RAD23B: variants seen among roughly 807,000 people sequenced by gnomAD.
RAD23B encodes the protein lysine-specific demethylase RAD23B.
Under a neutral mutation model 49.1 loss-of-function variants are expected in RAD23B, and 5 were observed. The ratio of observed to expected loss-of-function variants is 0.10; its 90% CI spans 0.05 to 0.21. The LOEUF is 0.21. Ranked by LOEUF, RAD23B falls within the 10% of genes least tolerant of loss-of-function variation. The probability of loss-of-function intolerance (pLI) is 1.00; values close to 1 mark genes in which losing one functional copy is unlikely to be tolerated. For missense variants in RAD23B, 356 were observed against 486.7 expected, an observed-to-expected ratio of 0.73 and a Z score of 2.53; for synonymous variants, 184 against 165.4, an observed-to-expected ratio of 1.11 and a Z score of -0.86.
intron 1 of RAD23B, among the ~76,000 whole-genome samples, chr9:107,298,833 T>A (rs763920908): frequency 6.6e-6 from 1 of 151,816 alleles, no homozygotes; most frequent in Non-Finnish European, 1.5e-5. Flanking sequence ...GCAAATCTGA[T>A]GTTTGGCTTT....
intron 4 of RAD23B, among the ~76,000 whole-genome samples, chr9:107,307,983 T>C (rs1826812848): frequency 6.6e-6 from 1 of 152,174 alleles, no homozygotes; most frequent in South Asian, 2.1e-4. Flanking sequence ...ATCAAAGGGC[T>C]GTTGATCAGG....
Position 107,318,580 on chromosome 9 carries a change from C to T in RAD23B, c.554-172C>T, listed in dbSNP as rs1323043020. On this transcript the variant is annotated intron_variant, in intron 5 of 9. Coordinates refer to ENST00000358015, the MANE Select transcript of RAD23B (RefSeq NM_002874.5). The surrounding 1 kb of genome is among the most constrained non-coding windows in gnomAD (Gnocchi z 4.3). Reference sequence around the variant, plus strand: ...AGGTTCCAGGGATCAAACCAGAGGGCATCTTTGGGGGACCATTACCTACTA... The same window carrying T: ...AGGTTCCAGGGATCAAACCAGAGGGTATCTTTGGGGGACCATTACCTACTA... Among the ~76,000 whole-genome samples, 5 of 152,172 alleles carry T rather than the reference C, an allele frequency of 3.3e-5. No individual in the cohort carries two copies. Among genetic ancestry groups the T allele is most frequent in the Non-Finnish European group, 5.9e-5 (4 of 68,030 alleles).
intron 9 of RAD23B, among the ~76,000 whole-genome samples, chr9:107,328,663 G>A (rs773111619): frequency 5.3e-5 from 8 of 152,126 alleles, no homozygotes; most frequent in South Asian, 2.1e-4. Flanking sequence ...ACCTCCTCCC[G>A]TGCGGCCCAG....
Position 107,331,785 on chromosome 9 carries a change from T to C in RAD23B, c.*2129T>C. ...CAAATCTGGATATACTAGGATTAAT[T>C]ATCAGAAGACAGCTCAGGCCAAGTT... On this transcript the variant is annotated 3_prime_UTR_variant, in exon 10 of 10. Coordinates refer to ENST00000358015, the MANE Select transcript of RAD23B (RefSeq NM_002874.5). 1.3e-6 allele frequency: 1 copy of C among 769,074 alleles called. No individual in the cohort carries two copies. Among genetic ancestry groups the C allele is most frequent in the Non-Finnish European group, 2.4e-6 (1 of 414,818 alleles). 47.6% of individuals were successfully genotyped at this position (769,074 alleles called of 1,614,324 possible). A position where few individuals can be genotyped will look rare whatever the true frequency, so the allele number is the denominator to read the frequency against.
At chr9:107,328,940 A>T (rs2133102503) in intron 9 of RAD23B, among the ~76,000 whole-genome samples, 1 of 152,352 alleles carries the variant, frequency 6.6e-6, no homozygotes, top group South Asian at 2.1e-4. Flanking sequence ...TGTTAAGCAG[A>T]TAAAAATAGA....
In RAD23B at chr9:107,330,523, A is replaced by G. The variant is rs1195331991; in HGVS notation, c.*867A>G. Reference sequence around the variant, plus strand: ...GGGCCAATGGAGAAATGCAGCATTCACTCTCCCTGTCTTTTCCCCTTCCCT... The same window carrying G: ...GGGCCAATGGAGAAATGCAGCATTCGCTCTCCCTGTCTTTTCCCCTTCCCT... On this transcript the variant is annotated 3_prime_UTR_variant, in exon 10 of 10. Transcript: ENST00000358015. The surrounding 1 kb of genome is among the most constrained non-coding windows in gnomAD (Gnocchi z 4.4). The G allele has an allele frequency of 6.6e-6, 1 of 152,378 alleles. No individual in the cohort carries two copies. Among genetic ancestry groups the G allele is most frequent in the East Asian group, 1.9e-4 (1 of 5,184 alleles). The allele number at this position is 152,378 out of a possible 1,614,324, so 9.4% of individuals were successfully genotyped here. A position where few individuals can be genotyped will look rare whatever the true frequency, so the allele number is the denominator to read the frequency against.
chr9:107,306,286 A>G, intron 3 of RAD23B, 93 bp from the exon 4 acceptor site: 3 of 1,224,194 alleles, frequency 2.5e-6, no homozygotes, highest in Non-Finnish European at 3.4e-6. Flanking sequence ...TATTAGTGCT[A>G]TGTTTGTGGC....
intron 9 of RAD23B, among the ~76,000 whole-genome samples, chr9:107,326,947 T>C (rs998732552): frequency 6.6e-6 from 1 of 152,172 alleles, no homozygotes; most frequent in Non-Finnish European, 1.5e-5. Context: ...CCAACTTTTC[T>C]ATTTCTTTTA....
Position 107,302,036 on chromosome 9 carries a change from C to T in RAD23B, c.150C>T (p.Gly50=), listed in dbSNP as rs1279482008. ...TTTTTTTTTCTCTTAATGTATTAGG[C>T]AAAATCCTCAATGATGATACTGCTC... ...PVAGQKLIYA[G]KILNDDTALK... Residue 50 remains glycine (G), a splice_region_variant and synonymous_variant, in exon 3 of 10, where the codon GGC becomes GGT. Transcript: ENST00000358015. 3.1e-6 allele frequency: 5 copies of T among 1,611,058 alleles called. No individual in the cohort carries two copies. Among genetic ancestry groups the T allele is most frequent in the Non-Finnish European group, 4.2e-6 (5 of 1,179,102 alleles).
chr9:107,283,810 G>T, intron 1 of RAD23B, 115 bp downstream of exon 1: 1 of 1,029,176 alleles, frequency 9.7e-7, no homozygotes, highest in Non-Finnish European at 1.3e-6. Context: ...GCGCGATGAG[G>T]GCCCTGGGTC....
At chr9:107,289,325 C>T (rs866329389) in intron 1 of RAD23B, among the ~76,000 whole-genome samples, 1 of 152,010 alleles carries the variant, frequency 6.6e-6, no homozygotes, top group Non-Finnish European at 1.5e-5. Flanking sequence ...GCTGGGACTA[C>T]GGGGGCATGC....
At position 107,283,468 on chromosome 9, in the gene RAD23B, A is replaced by T; in HGVS notation, c.-162A>T. ...CGCGGTCCGGGGCACGGGCTGGGGG[A>T]GAGGCCGCTCCGCTGGGCGAATGTG... On this transcript the variant is annotated 5_prime_UTR_variant, in exon 1 of 10. Coordinates refer to ENST00000358015, the MANE Select transcript of RAD23B (RefSeq NM_002874.5). The T allele has an allele frequency of 2.0e-6, 1 of 490,674 alleles. No homozygotes were observed. Among genetic ancestry groups the T allele is most frequent in the Non-Finnish European group, 3.4e-6 (1 of 290,872 alleles). The allele number at this position is 490,674 out of a possible 1,614,324, so 30.4% of individuals were successfully genotyped here.
intron 1 of RAD23B, among the ~76,000 whole-genome samples, chr9:107,295,933 C>CA (rs1826504792): frequency 6.6e-6 from 1 of 152,008 alleles, no homozygotes; most frequent in African/African-American, 2.4e-5. Flanking sequence ...GTGATAGGAG[C>CA]AATGATAGTG....
intron 3 of RAD23B, among the ~76,000 whole-genome samples, chr9:107,305,312 CAAAAG>C (rs1460281519): frequency 6.6e-6 from 1 of 151,994 alleles, no homozygotes; most frequent in Non-Finnish European, 1.5e-5. Context: ...CAAAAAGAAA[CAAAAG>C]AAAATCACGA....
At chr9:107,308,499 A>C (rs773415323) in intron 4 of RAD23B, among the ~76,000 whole-genome samples, 2 of 152,118 alleles carry the variant, frequency 1.3e-5, no homozygotes, top group South Asian at 4.1e-4. Flanking sequence ...GATTATAGGC[A>C]TGAGCCACCA....
In RAD23B at chr9:107,332,160, G is replaced by A. The variant is rs1165517908; in HGVS notation, c.*2504G>A. On this transcript the variant is annotated 3_prime_UTR_variant, in exon 10 of 10. Coordinates refer to ENST00000358015, the MANE Select transcript of RAD23B (RefSeq NM_002874.5). ...CCTGTACTGGATGGCTAGGATTCTA[G>A]AGAATTGATTATAAAATATTTTCAA... 6.0e-6 allele frequency: 1 copy of A among 167,664 alleles called. No homozygotes were observed. The highest frequency in any genetic ancestry group is 1.3e-5 in the Non-Finnish European group (1 of 78,696). The allele number at this position is 167,664 out of a possible 1,614,324, so 10.4% of individuals were successfully genotyped here. A position where few individuals can be genotyped will look rare whatever the true frequency, so the allele number is the denominator to read the frequency against.
chr9:107,290,932 T>C (rs1484497566), intron 1 of RAD23B, among the ~76,000 whole-genome samples: 1 of 152,248 alleles, frequency 6.6e-6, no homozygotes, highest in African/African-American at 2.4e-5. Context: ...AATTTAACCC[T>C]ACTGTGGCAC....
At chr9:107,326,480 C>CAA (rs1223341449) in intron 9 of RAD23B, among the ~76,000 whole-genome samples, 13 of 56,476 alleles carry the variant, frequency 2.3e-4, no homozygotes, top group African/African-American at 5.0e-4. Flanking sequence ...GACTCTGTCT[C>CAA]AAAAAAAAAA....
intron 5 of RAD23B, among the ~76,000 whole-genome samples, chr9:107,313,198 T>G (rs1414862772): frequency 6.6e-6 from 1 of 152,036 alleles, no homozygotes; most frequent in African/African-American, 2.4e-5. Flanking sequence ...ATTCTTTTCT[T>G]TTTTCCTTTA....
Sources: gnomAD v4.1 joint callset for allele counts (sites outside exome capture counted in the v4.1 genomes callset) on GRCh38, gnomAD v4.1.1 for gene constraint, Gnocchi (gnomAD v3.1) non-coding constraint, MANE v1.5 for transcripts, NCBI Gene and HGNC (gene_info 2026-07-23, HGNC 2026-07-21) for gene names.